CAMSAP3: variants seen among roughly 807,000 people sequenced by gnomAD.
CAMSAP3 encodes the protein calmodulin regulated spectrin associated protein family member 3.
A neutral mutation model predicts 112.5 loss-of-function variants in CAMSAP3; 34 were observed. The ratio of observed to expected loss-of-function variants is 0.30; its 90% CI spans 0.23 to 0.40. The LOEUF (loss-of-function observed/expected upper bound fraction) is 0.40, where lower values mean the gene tolerates loss of function less well. CAMSAP3 is among the 10% of genes least tolerant of loss of function. CAMSAP3 has a pLI of 1.00. For synonymous variants in CAMSAP3, 868 were observed against 799.8 expected, an observed-to-expected ratio of 1.09 and a Z score of -1.44; for missense variants, 1,602 against 1,770.3, an observed-to-expected ratio of 0.90 and a Z score of 1.71.
rs781009225 is a variant in CAMSAP3, at chr19:7,610,923, C to T, written c.1041C>T (p.Ser347=). The change falls in exon 8 of 17, where the codon AGC becomes AGT. Residue 347 remains serine, a synonymous_variant. Transcript: ENST00000160298. The surrounding 1 kb of genome is among the most constrained non-coding windows in gnomAD (Gnocchi z 4.9). ...GTEASPPQNN[S]GSSSPVFTFR... is the part of the protein sequence containing the mutation. ...AGGCCTCCCCACCTCAGAACAACAG[C>T]GGCAGTAGGTACGCTCCCCACACTG... 2.7e-5 allele frequency: 43 copies of T among 1,583,232 alleles called. No homozygotes were observed. The highest frequency in any genetic ancestry group is 1.6e-4 in the Admixed American group (9 of 57,860).
At position 7,610,016 on chromosome 19, in the gene CAMSAP3, G is replaced by T. The variant is rs1256843116; in HGVS notation, c.761-460G>T. Reference sequence around the variant, plus strand: ...GTTAAGGACCCCCGGCCTAAGGACGGTCTATCATATAATTCACCTCGGCCG... The same window carrying T: ...GTTAAGGACCCCCGGCCTAAGGACGTTCTATCATATAATTCACCTCGGCCG... On this transcript the variant is annotated intron_variant, in intron 5 of 16. Transcript: ENST00000160298. The surrounding 1 kb of genome is among the most constrained non-coding windows in gnomAD (Gnocchi z 4.9). 6.6e-6 allele frequency among the ~76,000 whole-genome samples: 1 copy of T among 152,096 alleles called. No homozygotes were observed. Among genetic ancestry groups the T allele is most frequent in the African/African-American group, 2.4e-5 (1 of 41,404 alleles).
intron 1 of CAMSAP3, among the ~76,000 whole-genome samples, chr19:7,602,799 GGAA>G (rs1568439908): frequency 6.6e-6 from 1 of 152,048 alleles, no homozygotes; most frequent in East Asian, 1.9e-4. Context: ...GAAGGTTTCT[GGAA>G]GAAGGAGGCA....
chr19:7,606,754 C>G, intron 4 of CAMSAP3, 183 bp downstream of exon 4: 1 of 1,613,836 alleles, frequency 6.2e-7, no homozygotes, highest in South Asian at 1.1e-5. Flanking sequence ...CCGCTGCCCT[C>G]CTCTCTGCCT....
Position 7,607,916 on chromosome 19 carries a change from C to G in CAMSAP3, c.622-210C>G, listed in dbSNP as rs561613044. 2 of 821,878 alleles carry G rather than the reference C, an allele frequency of 2.4e-6. No homozygotes were observed. The highest frequency in any genetic ancestry group is 4.1e-6 in the Non-Finnish European group (2 of 485,356). The allele number at this position is 821,878 out of a possible 1,614,324, so 50.9% of individuals were successfully genotyped here. ...GTCCCAGGAGTCCCTGTCCCCAGCCCCCGCTGCTGGCCTGGCTGCTCGAAG... is the reference window on the plus strand; with the variant it reads ...GTCCCAGGAGTCCCTGTCCCCAGCCGCCGCTGCTGGCCTGGCTGCTCGAAG... On this transcript the variant is annotated intron_variant, in intron 4 of 16. Transcript: ENST00000160298. This position sits in a 1 kb window ranked among gnomAD's most constrained non-coding sequence, Gnocchi z 4.9.
At position 7,607,817 on chromosome 19, in the gene CAMSAP3, C is replaced by A. The variant is rs773863987; in HGVS notation, c.622-309C>A. The A allele has an allele frequency of 3.0e-6, 4 of 1,341,084 alleles. No homozygotes were observed. The highest frequency in any genetic ancestry group is 2.5e-5 in the East Asian group (1 of 40,286). The allele number at this position is 1,341,084 out of a possible 1,614,324, so 83.1% of individuals were successfully genotyped here. ...CTTGCTGATGGCTGCTCCTCTCCCC[C>A]CAGCACGCAATTGCCTTCTGTTTGA... On this transcript the variant is annotated intron_variant, in intron 4 of 16. Coordinates refer to ENST00000160298, the MANE Select transcript of CAMSAP3 (RefSeq NM_020902.2). This position sits in a 1 kb window ranked among gnomAD's most constrained non-coding sequence, Gnocchi z 4.9.
In CAMSAP3 at chr19:7,610,885, C is replaced by T. The variant is rs3745358; in HGVS notation, c.1003C>T (p.Pro335Ser). 4,898 of 1,596,538 alleles carry T rather than the reference C, an allele frequency of 3.1e-3. 127 individuals carry two copies. The East Asian group carries it at 0.056, about 18-fold the overall frequency. The change falls in exon 8 of 17, where the codon CCC becomes TCC. Residue 335 changes from proline to serine, a missense_variant. By Grantham distance (74) the Pro-to-Ser change is moderately conservative. Coordinates refer to ENST00000160298, the MANE Select transcript of CAMSAP3 (RefSeq NM_020902.2). This position sits in a 1 kb window ranked among gnomAD's most constrained non-coding sequence, Gnocchi z 4.9. ...KDLPDGHAASPRGTEASPPQN... is the reference protein window; with the variant it reads ...KDLPDGHAASSRGTEASPPQN... ...TCTTCTCTGTACTGCAGCTGCCTCC[C>T]CCCGGGGCACTGAGGCCTCCCCACC... is the stretch of plus-strand genomic sequence containing the variant.
chr19:7,610,727 T>A lies in CAMSAP3; in HGVS notation c.928T>A (p.Leu310Met), dbSNP rs1156759841. The change falls in exon 7 of 17, where the codon TTG becomes ATG. Residue 310 changes from leucine (L) to methionine (M), a missense_variant. Physicochemically the swap from Leu to Met is conservative, Grantham distance 15. Around this residue, in one of 6 missense-constraint regions of CAMSAP3, gnomAD observed 58 missense variants for 108.4 expected, o/e 0.54. Coordinates refer to ENST00000160298, the MANE Select transcript of CAMSAP3 (RefSeq NM_020902.2). This position sits in a 1 kb window ranked among gnomAD's most constrained non-coding sequence, Gnocchi z 4.9. Reference protein sequence around the residue: ...KVNLVVMLAELFMCFEVLKPD... With the variant: ...KVNLVVMLAEMFMCFEVLKPD... ...CAACTTGGTGGTGATGCTGGCCGAG[T>A]TGTTCATGTGTTTTGAGGTGCTCAA... The A allele has an allele frequency of 6.2e-7, 1 of 1,613,688 alleles. No homozygotes were observed. Among genetic ancestry groups the A allele is most frequent in the African/African-American group, 1.3e-5 (1 of 74,836 alleles).
chr19:7,608,326 C>G, intron 5 of CAMSAP3, 62 bp downstream of exon 5: 1 of 1,555,126 alleles, frequency 6.4e-7, no homozygotes. Context: ...AGTCCCAGCC[C>G]CTAGACCCTC....
At chr19:7,598,254 C>T (rs1219435624) in intron 1 of CAMSAP3, among the ~76,000 whole-genome samples, 4 of 152,216 alleles carry the variant, frequency 2.6e-5, no homozygotes, top group South Asian at 4.1e-4. Flanking sequence ...AAGTTTGACA[C>T]GGAGAAGAGA....
chr19:7,612,792 C>T lies in CAMSAP3; in HGVS notation c.2299C>T (p.Arg767Trp), dbSNP rs1301900377. The T allele has an allele frequency of 1.3e-6, 2 of 1,534,468 alleles. No individual in the cohort carries two copies. Among genetic ancestry groups the T allele is most frequent in the Non-Finnish European group, 1.7e-6 (2 of 1,146,334 alleles). Reference protein sequence around the residue: ...PSPARRVPATRRSPGPGPSQS... With the variant: ...PSPARRVPATWRSPGPGPSQS... The stretch of plus-strand genomic sequence containing the variant: ...CCCCGCCCGGCGAGTCCCGGCCACC[C>T]GGCGCAGCCCTGGGCCCGGGCCCAG... The change falls in exon 11 of 17, where the codon CGG becomes TGG. Residue 767 changes from arginine (R) to tryptophan (W), a missense_variant. Coordinates refer to ENST00000160298, the MANE Select transcript of CAMSAP3 (RefSeq NM_020902.2).
Position 7,611,532 on chromosome 19 carries a change from C to T in CAMSAP3, c.1139C>T (p.Ser380Phe). 6.2e-7 allele frequency: 1 copy of T among 1,612,356 alleles called. No individual in the cohort carries two copies. The highest frequency in any genetic ancestry group is 2.2e-5 in the East Asian group (1 of 44,836). Residue 380 changes from serine to phenylalanine, a missense_variant, in exon 10 of 17, where the codon TCC becomes TTC. Coordinates refer to ENST00000160298, the MANE Select transcript of CAMSAP3 (RefSeq NM_020902.2). The surrounding 1 kb of genome is among the most constrained non-coding windows in gnomAD (Gnocchi z 6.9). ...CCTCCCCCAGGCTCCCTGAAGTCTT[C>T]CCCGTCCATGTCCCATATGGAGGCC... ...LRGSTGSLKS[S>F]PSMSHMEALG...
rs771766044 is a variant in CAMSAP3, at chr19:7,612,522, T to A, written c.2029T>A (p.Ser677Thr). ...PAGEGQGEPT[S>T]RPKAVTFSPD... ...AGGCGAGGGCCAGGGTGAGCCAACCTCACGGCCCAAGGCAGTGACCTTCTC... is the reference window on the plus strand; with the variant it reads ...AGGCGAGGGCCAGGGTGAGCCAACCACACGGCCCAAGGCAGTGACCTTCTC... Residue 677 changes from serine to threonine, a missense_variant, in exon 11 of 17, where the codon TCA (serine) becomes ACA (threonine). Coordinates refer to ENST00000160298, the MANE Select transcript of CAMSAP3 (RefSeq NM_020902.2). The A allele has an allele frequency of 6.5e-7, 1 of 1,538,412 alleles. No homozygotes were observed. Among genetic ancestry groups the A allele is most frequent in the South Asian group, 1.2e-5 (1 of 84,114 alleles).
In CAMSAP3 at chr19:7,607,751, C is replaced by T. The variant is rs545335540; in HGVS notation, c.622-375C>T. On this transcript the variant is annotated intron_variant, in intron 4 of 16. Transcript: ENST00000160298. The surrounding 1 kb of genome is among the most constrained non-coding windows in gnomAD (Gnocchi z 4.9). Reference sequence around the variant, plus strand: ...AGGGTCAGGGCTACCCCCTCCCCCCCAAGGTGGGCTTGGGGGCCCAGCAGG... The same window carrying T: ...AGGGTCAGGGCTACCCCCTCCCCCCTAAGGTGGGCTTGGGGGCCCAGCAGG... 2 of 580,284 alleles carry T rather than the reference C, an allele frequency of 3.4e-6. No individual in the cohort carries two copies. Among genetic ancestry groups the T allele is most frequent in the East Asian group, 3.1e-5 (1 of 31,912 alleles). 35.9% of individuals were successfully genotyped at this position (580,284 alleles called of 1,614,324 possible). A position where few individuals can be genotyped will look rare whatever the true frequency, so the allele number is the denominator to read the frequency against.
rs536078608 is a variant in CAMSAP3 at position 7,606,563 on chromosome 19, C to G, written c.613C>G (p.Gln205Glu). 2.0e-6 allele frequency: 3 copies of G among 1,532,352 alleles called. No homozygotes were observed. The South Asian group carries it at 3.6e-5, about 18-fold the overall frequency. 94.9% of individuals were successfully genotyped at this position (1,532,352 alleles called of 1,614,324 possible). ...CCCTGCAGACGGGGCGGCCCCGGCGCAGCCCTCGGTGAGGCCAGGGCATAG... is the reference window on the plus strand; with the variant it reads ...CCCTGCAGACGGGGCGGCCCCGGCGGAGCCCTCGGTGAGGCCAGGGCATAG... ...AAPADGAAPAQPSIRYRKDRV... is the reference protein window; with the variant it reads ...AAPADGAAPAEPSIRYRKDRV... Residue 205 changes from glutamine to glutamate, a missense_variant, in exon 4 of 17, where the codon CAG becomes GAG. By Grantham distance (29) the Gln-to-Glu change is conservative. Transcript: ENST00000160298.
chr19:7,612,721 G>T lies in CAMSAP3; in HGVS notation c.2228G>T (p.Trp743Leu). The change falls in exon 11 of 17, where the codon TGG becomes TTG. Residue 743 changes from tryptophan to leucine, a missense_variant. Coordinates refer to ENST00000160298, the MANE Select transcript of CAMSAP3 (RefSeq NM_020902.2). ...APGSAPPPAAWVIPGPTTGPK... is the reference protein window; with the variant it reads ...APGSAPPPAALVIPGPTTGPK... Reference sequence around the variant, plus strand: ...GGATCCGCCCCACCACCTGCTGCGTGGGTCATCCCTGGCCCCACGACGGGG... The same window carrying T: ...GGATCCGCCCCACCACCTGCTGCGTTGGTCATCCCTGGCCCCACGACGGGG... The T allele has an allele frequency of 6.5e-7, 1 of 1,530,050 alleles. No homozygotes were observed. Among genetic ancestry groups the T allele is most frequent in the Non-Finnish European group, 8.7e-7 (1 of 1,143,434 alleles). 94.8% of individuals were successfully genotyped at this position (1,530,050 alleles called of 1,614,324 possible).
chr19:7,612,943 A>T lies in CAMSAP3; in HGVS notation c.2450A>T (p.Gln817Leu), dbSNP rs973632143. ...LPHLRKFSPS[Q>L]VPVQTRSSIL... Reference sequence around the variant, plus strand: ...CACCTGCGCAAGTTCTCGCCGAGCCAGGTGCCCGTGCAGACGCGCTCTTCC... The same window carrying T: ...CACCTGCGCAAGTTCTCGCCGAGCCTGGTGCCCGTGCAGACGCGCTCTTCC... The change falls in exon 11 of 17, where the codon CAG becomes CTG. Residue 817 changes from glutamine (Q) to leucine (L), a missense_variant. Coordinates refer to ENST00000160298, the MANE Select transcript of CAMSAP3 (RefSeq NM_020902.2). 2 of 1,608,942 alleles carry T rather than the reference A, an allele frequency of 1.2e-6. No homozygotes were observed. The highest frequency in any genetic ancestry group is 2.7e-5 in the African/African-American group (2 of 74,688).
Position 7,596,850 on chromosome 19 carries a change from CCGCTCCTCCCGGCTG to C in CAMSAP3, c.148+703_148+717del, listed in dbSNP as rs1488122908. On this transcript the variant is annotated intron_variant, in intron 1 of 16. Coordinates refer to ENST00000160298, the MANE Select transcript of CAMSAP3 (RefSeq NM_020902.2). Reference sequence around the variant, plus strand: ...TACAAGATCGCCTGGGGTGGGCCCCCCGCTCCTCCCGGCTGCGGGGCCTTCTCCCATTAGAGCAGA... The same window carrying C: ...TACAAGATCGCCTGGGGTGGGCCCCCCGGGGCCTTCTCCCATTAGAGCAGA... Among the ~76,000 whole-genome samples the C allele has an allele frequency of 2.6e-5, 4 of 152,116 alleles. No homozygotes were observed. The East Asian group carries it at 7.8e-4, about 29-fold the overall frequency.
chr19:7,611,015 G>A lies in CAMSAP3; in HGVS notation c.1050-80G>A. On this transcript the variant is annotated intron_variant, in intron 8 of 16. Transcript: ENST00000160298. This position sits in a 1 kb window ranked among gnomAD's most constrained non-coding sequence, Gnocchi z 6.9. The stretch of plus-strand genomic sequence containing the variant: ...CTTGCTGAGCACTGGGACGCAGCTG[G>A]GTGATGCTGTTGTCTCCCCCCGGGG... 1.9e-6 allele frequency: 3 copies of A among 1,592,022 alleles called. No individual in the cohort carries two copies. The highest frequency in any genetic ancestry group is 1.7e-6 in the Non-Finnish European group (2 of 1,162,954).
chr19:7,616,934 C>CTCTTTTTTTTTTT (rs2030823962), intron 14 of CAMSAP3, among the ~76,000 whole-genome samples: 1 of 83,038 alleles, frequency 1.2e-5, no homozygotes, highest in African/African-American at 5.2e-5. Flanking sequence ...TGTGGCCCGC[C>CTCTTTTTTTTTTT]TTTTTTTTTT....
Sources: allele counts gnomAD v4.1 joint callset (sites outside exome capture counted in the v4.1 genomes callset), GRCh38; gene constraint gnomAD v4.1.1; regional missense constraint gnomAD v4.1.1; non-coding constraint Gnocchi (gnomAD v3.1); transcripts MANE v1.5; gene names NCBI Gene and HGNC (gene_info 2026-07-23, HGNC 2026-07-21).